The following UBE2E2 variants were observed in gnomAD, a reference collection of about 807,000 sequenced individuals.
UBE2E2 encodes the protein ubiquitin-conjugating enzyme E2 E2.
Under a neutral mutation model 24.7 loss-of-function variants are expected in UBE2E2, and 6 were observed. The ratio of observed to expected loss-of-function variants is 0.24; its 90% CI spans 0.13 to 0.48. The LOEUF (loss-of-function observed/expected upper bound fraction) is 0.48. Among genes scored for constraint, UBE2E2 ranks in the 20% least tolerant of loss-of-function variants. UBE2E2 has a pLI of 0.99. For synonymous variants in UBE2E2, 104 were observed against 83.6 expected (o/e 1.24, Z -1.33); for missense variants, 169 against 245.0 (o/e 0.69, Z 2.07).
chr3:23,495,967 T>C (rs567642921), intron 3 of UBE2E2, among the ~76,000 whole-genome samples: 5 of 152,328 alleles, frequency 3.3e-5, no homozygotes, highest in Admixed American at 2.6e-4. Context: ...TAACTCTCCT[T>C]CATTTCCTAT....
intron 3 of UBE2E2, among the ~76,000 whole-genome samples, chr3:23,411,036 A>G (rs1003498686): frequency 2.0e-5 from 3 of 152,190 alleles, no homozygotes; most frequent in African/African-American, 7.2e-5. Context: ...AAAAAAGAGA[A>G]TGATAACTGC....
chr3:23,289,234 A>G (rs187113245), intron 3 of UBE2E2, among the ~76,000 whole-genome samples: 1 of 152,372 alleles, frequency 6.6e-6, no homozygotes, highest in Non-Finnish European at 1.5e-5. Flanking sequence ...AATACGGCTA[A>G]AGTGGAAACG....
intron 3 of UBE2E2, among the ~76,000 whole-genome samples, chr3:23,381,495 A>G (rs767384042): frequency 3.9e-5 from 6 of 152,164 alleles, no homozygotes; most frequent in Non-Finnish European, 8.8e-5. Context: ...TTTAGGAAAA[A>G]GCACTCTAAG....
intron 3 of UBE2E2, among the ~76,000 whole-genome samples, chr3:23,363,529 C>T (rs1049734611): frequency 3.9e-5 from 6 of 152,134 alleles, no homozygotes; most frequent in Non-Finnish European, 8.8e-5. Flanking sequence ...CGTTAAACCA[C>T]CAATGATCAG....
intron 4 of UBE2E2, among the ~76,000 whole-genome samples, chr3:23,521,643 G>C (rs1694870514): frequency 6.6e-6 from 1 of 152,122 alleles, no homozygotes; most frequent in South Asian, 2.1e-4. Flanking sequence ...ATCCAATCCG[G>C]GCCCAGGATG....
At chr3:23,449,453 G>C (rs754024546) in intron 3 of UBE2E2, among the ~76,000 whole-genome samples, 1 of 152,078 alleles carries the variant, frequency 6.6e-6, no homozygotes, top group Non-Finnish European at 1.5e-5. Flanking sequence ...TTAAAAATTC[G>C]GATGGGGTAA....
Position 23,225,005 on chromosome 3 carries a change from G to C in UBE2E2, c.227+7693G>C, listed in dbSNP as rs560170523. On this transcript the variant is annotated intron_variant, in intron 3 of 5. Transcript: ENST00000396703. ...TAGCTATCCTAGTAGATATGAAGTGGTATTTTGTTGTGGTATTGATTTGCA... is the reference window on the plus strand; with the variant it reads ...TAGCTATCCTAGTAGATATGAAGTGCTATTTTGTTGTGGTATTGATTTGCA... 4.0e-5 allele frequency among the ~76,000 whole-genome samples: 6 copies of C among 151,066 alleles called. No individual in the cohort carries two copies. In the East Asian group the frequency reaches 1.2e-3, roughly 29 times the overall value.
intron 3 of UBE2E2, among the ~76,000 whole-genome samples, chr3:23,440,215 A>T (rs912698237): frequency 2.0e-5 from 3 of 152,152 alleles, no homozygotes; most frequent in Non-Finnish European, 4.4e-5. Flanking sequence ...CGGAGGTTGC[A>T]GTGAGCCAAG....
At chr3:23,374,276 A>G (rs945149555) in intron 3 of UBE2E2, among the ~76,000 whole-genome samples, 15 of 152,344 alleles carry the variant, frequency 9.8e-5, no homozygotes, top group African/African-American at 3.6e-4. Flanking sequence ...AAAACAAATA[A>G]TGATTAAAAA....
chr3:23,236,746 T>A (rs914754923), intron 3 of UBE2E2, among the ~76,000 whole-genome samples: 1 of 152,126 alleles, frequency 6.6e-6, no homozygotes, highest in Non-Finnish European at 1.5e-5. Flanking sequence ...AAAGCCAGCG[T>A]TGGCCTAAGT....
intron 3 of UBE2E2, among the ~76,000 whole-genome samples, chr3:23,303,342 C>G (rs1699153595): frequency 6.6e-6 from 1 of 152,016 alleles, no homozygotes; most frequent in African/African-American, 2.4e-5. Context: ...CTATAATGAG[C>G]TTGAATTATC....
intron 3 of UBE2E2, among the ~76,000 whole-genome samples, chr3:23,377,981 G>T (rs1023866208): frequency 6.6e-5 from 10 of 151,794 alleles, no homozygotes; most frequent in Non-Finnish European, 1.3e-4. Context: ...TCTTATGAGG[G>T]CACACATAAT....
At chr3:23,495,271 C>T (rs1299824175) in intron 3 of UBE2E2, among the ~76,000 whole-genome samples, 1 of 152,128 alleles carries the variant, frequency 6.6e-6, no homozygotes. Flanking sequence ...CCAAATAAAA[C>T]TTGGAATGGG....
intron 3 of UBE2E2, among the ~76,000 whole-genome samples, chr3:23,258,907 A>G (rs1015764090): frequency 1.3e-5 from 2 of 150,552 alleles, no homozygotes; most frequent in Non-Finnish European, 3.0e-5. Context: ...AAAGAAAAAA[A>G]AAAAAAAAAA....
intron 4 of UBE2E2, among the ~76,000 whole-genome samples, chr3:23,502,588 G>C (rs2125458023): frequency 6.6e-6 from 1 of 152,214 alleles, no homozygotes; most frequent in Middle Eastern, 3.4e-3. Context: ...GCTTGATCAG[G>C]TTGAACACCC....
intron 4 of UBE2E2, among the ~76,000 whole-genome samples, chr3:23,510,699 G>A (rs1694576625): frequency 6.6e-6 from 1 of 152,160 alleles, no homozygotes; most frequent in Admixed American, 6.5e-5. Context: ...ACCATCAGGT[G>A]AATTTTTCTT....
chr3:23,346,132 G>A (rs1216385596), intron 3 of UBE2E2, among the ~76,000 whole-genome samples: 3 of 152,060 alleles, frequency 2.0e-5, no homozygotes, highest in Admixed American at 2.0e-4. Flanking sequence ...TTCTAAGATT[G>A]TGTTTCTTTT....
intron 3 of UBE2E2, among the ~76,000 whole-genome samples, chr3:23,343,260 T>C (rs1695451869): frequency 6.6e-6 from 1 of 151,700 alleles, no homozygotes; most frequent in African/African-American, 2.4e-5. Context: ...GACGCAAGAC[T>C]GAATATGTAG....
chr3:23,451,532 A>G (rs1316526719), intron 3 of UBE2E2, among the ~76,000 whole-genome samples: 2 of 152,218 alleles, frequency 1.3e-5, no homozygotes, highest in East Asian at 3.8e-4. Flanking sequence ...TCTGACGACT[A>G]TACCGTGTTA....
Sources: allele counts gnomAD v4.1 joint callset (sites outside exome capture counted in the v4.1 genomes callset), GRCh38; gene constraint gnomAD v4.1.1; transcripts MANE v1.5; gene names NCBI Gene and HGNC (gene_info 2026-07-23, HGNC 2026-07-21).